RCC1L: variants seen among roughly 807,000 people sequenced by gnomAD.
RCC1L encodes the protein RCC1 like.
A neutral mutation model predicts 58.6 loss-of-function variants in RCC1L; 46 were observed. The observed-to-expected ratio is 0.79, with a 90% CI of 0.62 to 1.00. The LOEUF is 1.00. RCC1L is among the 50% of genes least tolerant of loss of function. The pLI is 0.00. For missense variants in RCC1L, 636 were observed against 623.6 expected (o/e 1.02, Z -0.21); for synonymous variants, 281 against 262.9 (o/e 1.07, Z -0.67).
chr7:75,050,329 G>C (rs1805864397), intron 10 of RCC1L, among the ~76,000 whole-genome samples: 1 of 152,156 alleles, frequency 6.6e-6, no homozygotes, highest in African/African-American at 2.4e-5. Flanking sequence ...CAAATGACCA[G>C]AAGGACACTT....
In RCC1L at chr7:75,032,154, C is replaced by G. The variant is rs971357328; in HGVS notation, c.1318-4075G>C. Among the ~76,000 whole-genome samples the G allele has an allele frequency of 4.5e-4, 68 of 152,318 alleles. 1 individual carries two copies. Among genetic ancestry groups the G allele is most frequent in the Admixed American group, 2.1e-3 (32 of 15,300 alleles). ...ACCAGGAGGTAAAGATGACTGGGGGCCATCTTGGAGGCCAGCTACTATGCC... is the reference window on the plus strand; with the variant it reads ...ACCAGGAGGTAAAGATGACTGGGGGGCATCTTGGAGGCCAGCTACTATGCC... On this transcript the variant is annotated intron_variant, in intron 10 of 10. Transcript: ENST00000614461.
At chr7:75,028,301 G>T (rs1246590794) in intron 10 of RCC1L, among the ~76,000 whole-genome samples, 1 of 151,772 alleles carries the variant, frequency 6.6e-6, no homozygotes, top group Non-Finnish European at 1.5e-5. Flanking sequence ...TTGTATTTTT[G>T]GTAGAGACGG....
chr7:75,042,952 G>C lies in RCC1L; in HGVS notation c.*80C>G. On this transcript the variant is annotated 3_prime_UTR_variant, in exon 11 of 11. Coordinates refer to ENST00000610322, the MANE Select transcript of RCC1L (RefSeq NM_030798.5). ...CCGCCACCACCATCCAAGAACCCCG[G>C]GGGGCTGGCCACGCGCTGGCCTCTG... 1.2e-6 allele frequency: 2 copies of C among 1,608,426 alleles called. No homozygotes were observed. The highest frequency in any genetic ancestry group is 2.7e-5 in the African/African-American group (2 of 75,012).
chr7:75,045,945 C>G (rs1285620995), intron 10 of RCC1L, among the ~76,000 whole-genome samples: 8 of 152,260 alleles, frequency 5.3e-5, no homozygotes, highest in Non-Finnish European at 1.5e-5. Flanking sequence ...CTGGTGGCAG[C>G]ATGCAGCCAG....
At chr7:75,038,365 C>T (rs1805473849), downstream of RCC1L, among the ~76,000 whole-genome samples, 1 of 152,100 alleles carries the variant, frequency 6.6e-6, no homozygotes, top group South Asian at 2.1e-4. Context: ...AATTCTCCCG[C>T]CTCAGCCTCC....
intron 10 of RCC1L, among the ~76,000 whole-genome samples, chr7:75,028,954 A>G (rs1805220758): frequency 1.3e-5 from 2 of 152,144 alleles, no homozygotes; most frequent in Non-Finnish European, 2.9e-5. Context: ...GTGGGAAAGG[A>G]AGGAGCTGGG....
At chr7:75,052,989 C>A (rs1002777863) in intron 9 of RCC1L, among the ~76,000 whole-genome samples, 193 bp from the exon 10 acceptor site, 2 of 151,108 alleles carry the variant, frequency 1.3e-5, no homozygotes, top group Non-Finnish European at 2.9e-5. Context: ...ATCGAAAACA[C>A]ATCCACGGCC....
At chr7:75,043,342 TG>T (rs1458947824) in intron 10 of RCC1L, among the ~76,000 whole-genome samples, 1 of 152,204 alleles carries the variant, frequency 6.6e-6, no homozygotes, top group Non-Finnish European at 1.5e-5. Context: ...GACAACTGCG[TG>T]TGGTCATGAG....
At chr7:75,064,838 C>T (rs587764169) in intron 3 of RCC1L, 190 bp from the exon 4 acceptor site, 1 of 659,640 alleles carries the variant, frequency 1.5e-6, no homozygotes, top group African/African-American at 1.8e-5. Context: ...GAATCTAGAC[C>T]CGCCTTCCCC....
At chr7:75,039,797 A>T (rs984376656), downstream of RCC1L, among the ~76,000 whole-genome samples, 342 of 152,304 alleles carry the variant, frequency 2.2e-3, 8 homozygotes, top group East Asian at 0.048. Context: ...CGCGGGTGCC[A>T]TTCACGTGCT....
chr7:75,061,202 TCTAC>T lies in RCC1L; in HGVS notation c.787+1_787+4del. The T allele has an allele frequency of 6.2e-7, 1 of 1,613,266 alleles. No individual in the cohort carries two copies. The highest frequency in any genetic ancestry group is 8.5e-7 in the Non-Finnish European group (1 of 1,179,334). ...CACGACCCCAGTGCATGAAAAGAACTCTACCTGTTTGCCCATCAGCACCCCATCC... is the reference window on the plus strand; with the variant it reads ...CACGACCCCAGTGCATGAAAAGAACTCTGTTTGCCCATCAGCACCCCATCC... On this transcript the variant is annotated splice_donor_variant and splice_donor_region_variant and intron_variant, in intron 6 of 10. Transcript: ENST00000610322. LOFTEE classifies it high-confidence loss of function.
At chr7:75,039,596 C>T (rs1003195682), downstream of RCC1L, among the ~76,000 whole-genome samples, 25 of 152,092 alleles carry the variant, frequency 1.6e-4, no homozygotes, top group Non-Finnish European at 2.2e-4. Flanking sequence ...ACTGGACCTA[C>T]GACCCCTGCA....
chr7:75,068,411 C>T (rs896090068), intron 2 of RCC1L, among the ~76,000 whole-genome samples: 1 of 151,526 alleles, frequency 6.6e-6, no homozygotes, highest in Non-Finnish European at 1.5e-5. Context: ...ATAGGTCGGG[C>T]ATGGTGGCTC....
In RCC1L at chr7:75,042,804, G is replaced by C; in HGVS notation, c.*228C>G. On this transcript the variant is annotated 3_prime_UTR_variant, in exon 11 of 11. Coordinates refer to ENST00000610322, the MANE Select transcript of RCC1L (RefSeq NM_030798.5). ...TGCGGGCCACAGCGGCCCACCAAAG[G>C]CTGCCATCCAAGCTGAGTTCCGCAG... 1 of 1,436,182 alleles carries C rather than the reference G, an allele frequency of 7.0e-7. No individual in the cohort carries two copies. Among genetic ancestry groups the C allele is most frequent in the Non-Finnish European group, 9.2e-7 (1 of 1,090,838 alleles). The allele number at this position is 1,436,182 out of a possible 1,614,324, so 89.0% of individuals were successfully genotyped here.
At chr7:75,053,243 GGTGGACAGGTCTGGGGGT>G (rs1805974337) in intron 9 of RCC1L, among the ~76,000 whole-genome samples, 1 of 108,784 alleles carries the variant, frequency 9.2e-6, no homozygotes, top group Non-Finnish European at 2.1e-5. Context: ...GTCTGGGGGT[GGTGGACAGGTCTGGGGGT>G]GGTGCATGGA....
Position 75,055,888 on chromosome 7 carries a change from C to T in RCC1L, c.1231+13G>A, listed in dbSNP as rs782076810. On this transcript the variant is annotated intron_variant, in intron 9 of 10. Coordinates refer to ENST00000610322, the MANE Select transcript of RCC1L (RefSeq NM_030798.5). Reference sequence around the variant, plus strand: ...CTGGGCTCACACCAGGGCCACCGGGCTTGGTAACTTACTGGTCAGTGCAGC... The same window carrying T: ...CTGGGCTCACACCAGGGCCACCGGGTTTGGTAACTTACTGGTCAGTGCAGC... 6.2e-7 allele frequency: 1 copy of T among 1,613,960 alleles called. No homozygotes were observed. The highest frequency in any genetic ancestry group is 1.1e-5 in the South Asian group (1 of 91,070).
At chr7:75,052,445 G>A (rs1233844635) in intron 10 of RCC1L, among the ~76,000 whole-genome samples, 5 of 152,338 alleles carry the variant, frequency 3.3e-5, no homozygotes, top group South Asian at 4.1e-4. Flanking sequence ...GCCGGGATGG[G>A]TTGACCCAGC....
intron 6 of RCC1L, among the ~76,000 whole-genome samples, chr7:75,059,744 C>A (rs1300843192): frequency 6.6e-6 from 1 of 151,910 alleles, no homozygotes; most frequent in African/African-American, 2.4e-5. Context: ...GGTGGTCTTG[C>A]TAAAAGTAAA....
chr7:75,036,864 C>A (rs1209119171), intron 10 of RCC1L, among the ~76,000 whole-genome samples: 5 of 152,166 alleles, frequency 3.3e-5, no homozygotes, highest in Admixed American at 2.6e-4. Flanking sequence ...GATCGCACCA[C>A]TGCATTCCAG....
Sources: gnomAD v4.1 joint callset for allele counts (sites outside exome capture counted in the v4.1 genomes callset) on GRCh38, gnomAD v4.1.1 for gene constraint, MANE v1.5 for transcripts, NCBI Gene and HGNC (gene_info 2026-07-23, HGNC 2026-07-21) for gene names.